FOXN2: variants seen among roughly 807,000 people sequenced by gnomAD.
The protein encoded by FOXN2 is forkhead box protein N2.
A neutral mutation model predicts 41.2 loss-of-function variants in FOXN2; 19 were observed. The observed-to-expected ratio is 0.46, with a 90% CI of 0.32 to 0.68. FOXN2 has a LOEUF of 0.68. Ranked by LOEUF, FOXN2 falls within the 30% of genes least tolerant of loss-of-function variation. The pLI is 0.03. For synonymous variants in FOXN2, 195 were observed against 176.8 expected, an observed-to-expected ratio of 1.10 and a Z score of -0.82; for missense variants, 587 against 509.4, an observed-to-expected ratio of 1.15 and a Z score of -1.47.
At chr2:48,335,177 T>C (rs1670253897) in intron 2 of FOXN2, among the ~76,000 whole-genome samples, 1 of 152,194 alleles carries the variant, frequency 6.6e-6, no homozygotes, top group South Asian at 2.1e-4. Flanking sequence ...TTTGGAATTA[T>C]CAGATGTAAA....
At chr2:48,372,190 A>G (rs778190903) in intron 5 of FOXN2, among the ~76,000 whole-genome samples, 3 of 152,156 alleles carry the variant, frequency 2.0e-5, no homozygotes, top group Non-Finnish European at 4.4e-5. Flanking sequence ...TTACTTGGGG[A>G]AAAAGAGGTA....
intron 1 of FOXN2, among the ~76,000 whole-genome samples, chr2:48,323,408 G>A (rs1227560149): frequency 6.6e-6 from 1 of 151,938 alleles, no homozygotes; most frequent in African/African-American, 2.4e-5. Context: ...GTTAATTTTT[G>A]TCTTTTTGTT....
intron 2 of FOXN2, among the ~76,000 whole-genome samples, chr2:48,330,239 C>G (rs1306561749): frequency 6.6e-6 from 1 of 151,860 alleles, no homozygotes; most frequent in African/African-American, 2.4e-5. Context: ...GAAATGGTAC[C>G]TTATTATAAT....
At chr2:48,358,284 C>A (rs1291552994) in intron 3 of FOXN2, among the ~76,000 whole-genome samples, 1 of 152,012 alleles carries the variant, frequency 6.6e-6, no homozygotes, top group Non-Finnish European at 1.5e-5. Context: ...CAGAATGGCC[C>A]CTTAATATTC....
In FOXN2 at chr2:48,374,970, G is replaced by T. The variant is rs200645756; in HGVS notation, c.823G>T (p.Gly275Cys). The T allele has an allele frequency of 6.2e-7, 1 of 1,613,726 alleles. No homozygotes were observed. Among genetic ancestry groups the T allele is most frequent in the Non-Finnish European group, 8.5e-7 (1 of 1,179,824 alleles). Residue 275 changes from glycine to cysteine, a missense_variant, in exon 7 of 7, where the codon GGC becomes TGC. Coordinates refer to ENST00000340553, the MANE Select transcript of FOXN2 (RefSeq NM_002158.4). ...KTALQKKRSY[G>C]NAFHHPSAVR... ...AGCATTGCAAAAAAAGAGGAGTTAC[G>T]GCAATGCATTTCATCATCCCAGTGC... is the stretch of plus-strand genomic sequence containing the variant.
chr2:48,354,199 G>T (rs746494130), intron 3 of FOXN2, among the ~76,000 whole-genome samples: 1 of 152,226 alleles, frequency 6.6e-6, no homozygotes, highest in Non-Finnish European at 1.5e-5. Context: ...CTAAGCTGAA[G>T]TGTGAATGGC....
At chr2:48,374,547 A>G (rs1298565361) in intron 6 of FOXN2, among the ~76,000 whole-genome samples, 7 of 152,200 alleles carry the variant, frequency 4.6e-5, no homozygotes, top group African/African-American at 1.7e-4. Context: ...TTACTTGCAT[A>G]TATTCAAGAA....
rs181811604 is a variant in FOXN2, at chr2:48,335,826, G to C, written c.-15+7124G>C. Among the ~76,000 whole-genome samples, 5 of 151,164 alleles carry C rather than the reference G, an allele frequency of 3.3e-5. No individual in the cohort carries two copies. The East Asian group carries it at 9.9e-4, about 30-fold the overall frequency. On this transcript the variant is annotated intron_variant, in intron 2 of 6. Coordinates refer to ENST00000340553, the MANE Select transcript of FOXN2 (RefSeq NM_002158.4). ...GCGGATCATGAGGTCAGGAAATAGA[G>C]ACCATCCTGGTGAACACGGCGAAAC...
At chr2:48,345,939 C>T (rs773355836) in intron 2 of FOXN2, among the ~76,000 whole-genome samples, 8 of 152,080 alleles carry the variant, frequency 5.3e-5, no homozygotes, top group Non-Finnish European at 1.2e-4. Flanking sequence ...ATTTAAAATA[C>T]ACTATTTAAT....
chr2:48,319,248 T>G (rs1166107389), intron 1 of FOXN2, among the ~76,000 whole-genome samples: 3 of 144,956 alleles, frequency 2.1e-5, no homozygotes, highest in Non-Finnish European at 4.6e-5. Context: ...AAGCCATGCT[T>G]ACATATTTAT....
intron 3 of FOXN2, among the ~76,000 whole-genome samples, chr2:48,349,715 C>G (rs765006105): frequency 1.3e-5 from 2 of 152,110 alleles, no homozygotes; most frequent in African/African-American, 2.4e-5. Flanking sequence ...GAGCCTAGAT[C>G]GTGCCATTGC....
At chr2:48,319,044 T>C (rs1669117284) in intron 1 of FOXN2, among the ~76,000 whole-genome samples, 1 of 152,222 alleles carries the variant, frequency 6.6e-6, no homozygotes, top group African/African-American at 2.4e-5. Flanking sequence ...GATAGTTTAA[T>C]TACTGTTAAC....
intron 1 of FOXN2, among the ~76,000 whole-genome samples, chr2:48,320,137 C>T (rs1202537253): frequency 1.3e-5 from 2 of 152,004 alleles, no homozygotes; most frequent in Non-Finnish European, 2.9e-5. Flanking sequence ...TGCACCATGC[C>T]TTTGTCCAAC....
chr2:48,375,008 A>T lies in FOXN2; in HGVS notation c.861A>T (p.Gln287His), dbSNP rs375305845. The change falls in exon 7 of 7, where the codon CAA becomes CAT. Residue 287 changes from glutamine (Q) to histidine (H), a missense_variant. Physicochemically the swap from Gln to His is conservative, Grantham distance 24. Coordinates refer to ENST00000340553, the MANE Select transcript of FOXN2 (RefSeq NM_002158.4). ...ATCATCCCAGTGCTGTACGATTACAAGAGAGTGATTCTTTAGCCACCAGCA... is the reference window on the plus strand; with the variant it reads ...ATCATCCCAGTGCTGTACGATTACATGAGAGTGATTCTTTAGCCACCAGCA... ...AFHHPSAVRL[Q>H]ESDSLATSID... 1.9e-6 allele frequency: 3 copies of T among 1,614,072 alleles called. No homozygotes were observed. Among genetic ancestry groups the T allele is most frequent in the Non-Finnish European group, 2.5e-6 (3 of 1,179,970 alleles).
intron 5 of FOXN2, among the ~76,000 whole-genome samples, chr2:48,364,282 C>G (rs1462193986): frequency 6.6e-6 from 1 of 152,066 alleles, no homozygotes; most frequent in African/African-American, 2.4e-5. Context: ...GGCCAGAGGG[C>G]AATGGCACAG....
At chr2:48,314,076 C>T (rs1004498946), upstream of FOXN2, among the ~76,000 whole-genome samples, 1 of 152,242 alleles carries the variant, frequency 6.6e-6, no homozygotes, top group African/African-American at 2.4e-5. Flanking sequence ...TTCAGTCAAG[C>T]CAGAGTAACA....
intron 1 of FOXN2, among the ~76,000 whole-genome samples, chr2:48,325,762 CA>C (rs1669622127): frequency 6.7e-6 from 1 of 149,708 alleles, no homozygotes; most frequent in South Asian, 2.1e-4. Flanking sequence ...CAAATGTTAT[CA>C]AAAGGTTCGA....
In FOXN2 at chr2:48,321,428, C is replaced by T. The variant is rs970902036; in HGVS notation, c.-157+6614C>T. Among the ~76,000 whole-genome samples the T allele has an allele frequency of 1.3e-4, 20 of 152,010 alleles. No individual in the cohort carries two copies. In the East Asian group the frequency reaches 1.4e-3, roughly 10 times the overall value. ...GCGAGTGCCTGTAGTCCCAGCTACT[C>T]GGGAGGCTGAGGCAGGAGAATGGCC... is the stretch of plus-strand genomic sequence containing the variant. On this transcript the variant is annotated intron_variant, in intron 1 of 6. Coordinates refer to ENST00000340553, the MANE Select transcript of FOXN2 (RefSeq NM_002158.4).
chr2:48,367,807 C>T (rs1672626645), intron 5 of FOXN2, among the ~76,000 whole-genome samples: 1 of 152,002 alleles, frequency 6.6e-6, no homozygotes, highest in African/African-American at 2.4e-5. Flanking sequence ...AAATAAAAAC[C>T]AACAGGCACA....
Sources: allele counts gnomAD v4.1 joint callset (sites outside exome capture counted in the v4.1 genomes callset), GRCh38; gene constraint gnomAD v4.1.1; transcripts MANE v1.5; gene names NCBI Gene and HGNC (gene_info 2026-07-23, HGNC 2026-07-21).